The following ATP6V0E1 variants were observed in gnomAD, a reference collection of about 807,000 sequenced individuals.
ATP6V0E1 encodes the protein V-type proton ATPase subunit e 1.
ATP6V0E1 carries 4 observed loss-of-function variants against 11.6 expected under a neutral mutation model. The observed-to-expected ratio is 0.35, with a 90% CI of 0.17 to 0.79. The LOEUF (loss-of-function observed/expected upper bound fraction) is 0.79, where lower values mean the gene tolerates loss of function less well. Ranked by LOEUF, ATP6V0E1 falls within the 30% of genes least tolerant of loss-of-function variation. ATP6V0E1 has a pLI of 0.54. For synonymous variants in ATP6V0E1, 36 were observed against 34.8 expected (o/e 1.04, Z -0.13); for missense variants, 105 against 100.0 (o/e 1.05, Z -0.21).
chr5:173,005,667 A>T (rs1756218159), intron 2 of ATP6V0E1, among the ~76,000 whole-genome samples: 2 of 152,262 alleles, frequency 1.3e-5, no homozygotes, highest in Middle Eastern at 6.8e-3. Flanking sequence ...CTTCTCATTG[A>T]CATCTGCACG....
chr5:173,028,103 C>G (rs551595252), intron 3 of ATP6V0E1, among the ~76,000 whole-genome samples: 1 of 152,258 alleles, frequency 6.6e-6, no homozygotes, highest in South Asian at 2.1e-4. Flanking sequence ...TCCTTGAAAC[C>G]CTTATACTAA....
At chr5:173,015,801 A>ACTGCAACCTCTGCCTCC (rs2113603019) in intron 2 of ATP6V0E1, among the ~76,000 whole-genome samples, 1 of 152,284 alleles carries the variant, frequency 6.6e-6, no homozygotes, top group East Asian at 1.9e-4. Flanking sequence ...ACCTTGGCTC[A>ACTGCAACCTCTGCCTCC]CTGCAACCTC....
chr5:172,988,061 A>T (rs904569015), intron 1 of ATP6V0E1, among the ~76,000 whole-genome samples: 2 of 152,000 alleles, frequency 1.3e-5, no homozygotes, highest in Non-Finnish European at 2.9e-5. Flanking sequence ...TTCCATTTAA[A>T]TTTTTTTTAA....
At chr5:173,006,346 C>T (rs1433347531) in intron 2 of ATP6V0E1, among the ~76,000 whole-genome samples, 2 of 152,136 alleles carry the variant, frequency 1.3e-5, no homozygotes, top group African/African-American at 2.4e-5. Context: ...CACGATGGCT[C>T]ACGCCTGTAA....
intron 2 of ATP6V0E1, 130 bp from the exon 3 acceptor site, chr5:173,020,108 T>C: frequency 1.5e-6 from 1 of 687,596 alleles, no homozygotes; most frequent in Non-Finnish European, 2.6e-6. Context: ...TAACACAATG[T>C]ATATGGAAAG....
At position 173,020,302 on chromosome 5, in the gene ATP6V0E1, A is replaced by C. The variant is rs1191319110; in HGVS notation, c.217A>C (p.Ile73Leu). The C allele has an allele frequency of 6.2e-7, 1 of 1,613,794 alleles. No homozygotes were observed. The highest frequency in any genetic ancestry group is 8.5e-7 in the Non-Finnish European group (1 of 1,179,722). ...TGGACCGCAATTGAAAAATGAAACC[A>C]TCTGGTATCTGAAGTATCATTGGCC... ...LFGPQLKNET[I>L]WYLKYHWP Residue 73 changes from isoleucine to leucine, a missense_variant, in exon 3 of 4, where the codon ATC (isoleucine) becomes CTC (leucine). Ile to Leu is a conservative substitution (Grantham distance 5). Coordinates refer to ENST00000519374, the MANE Select transcript of ATP6V0E1 (RefSeq NM_003945.4).
rs1388371964 is a variant in ATP6V0E1 at position 173,035,256 on chromosome 5, C to T, written c.*894C>T. 1.3e-5 allele frequency: 2 copies of T among 152,128 alleles called. No homozygotes were observed. The highest frequency in any genetic ancestry group is 1.9e-4 in the East Asian group (1 of 5,192). The allele number at this position is 152,128 out of a possible 1,614,324, so 9.4% of individuals were successfully genotyped here. On this transcript the variant is annotated 3_prime_UTR_variant, in exon 4 of 4. Coordinates refer to ENST00000519374, the MANE Select transcript of ATP6V0E1 (RefSeq NM_003945.4). ...TCAAGGTTACCTGCCAGCTGCAGAA[C>T]AAGGCAGCAAATGCTCCTGAGATGG...
chr5:173,032,249 TTTTATTTATTTATTTATTTATTTA>T (rs1205061181), intron 3 of ATP6V0E1, among the ~76,000 whole-genome samples: 3 of 132,256 alleles, frequency 2.3e-5, no homozygotes, highest in Non-Finnish European at 3.3e-5. Context: ...TTTTATTTTA[TTTTATTTATTTATTTATTTATTTA>T]TTTATTTATT....
At chr5:173,000,921 G>A (rs999329402) in intron 2 of ATP6V0E1, among the ~76,000 whole-genome samples, 1 of 152,010 alleles carries the variant, frequency 6.6e-6, no homozygotes, top group African/African-American at 2.4e-5. Context: ...GGCTGGTCTC[G>A]AACTCCTGAC....
intron 3 of ATP6V0E1, among the ~76,000 whole-genome samples, chr5:173,028,574 T>C (rs1756596385): frequency 6.6e-6 from 1 of 152,180 alleles, no homozygotes; most frequent in Admixed American, 6.5e-5. Context: ...ATAGATGAAA[T>C]GGAATCAATC....
chr5:173,005,877 T>G (rs952941678), intron 2 of ATP6V0E1, among the ~76,000 whole-genome samples: 5 of 152,208 alleles, frequency 3.3e-5, no homozygotes, highest in Non-Finnish European at 7.3e-5. Context: ...AGAATTGTGG[T>G]GTTTAATTTC....
At chr5:173,008,791 G>A (rs1477500057) in intron 2 of ATP6V0E1, among the ~76,000 whole-genome samples, 1 of 149,404 alleles carries the variant, frequency 6.7e-6, no homozygotes, top group Non-Finnish European at 1.5e-5. Context: ...GGCGCCTGTA[G>A]TCCCAGCTAC....
At chr5:173,009,920 C>T (rs926277165) in intron 2 of ATP6V0E1, among the ~76,000 whole-genome samples, 1 of 151,946 alleles carries the variant, frequency 6.6e-6, no homozygotes, top group Non-Finnish European at 1.5e-5. Flanking sequence ...CGTGCCACCA[C>T]GCCTGGCCAA....
intron 2 of ATP6V0E1, among the ~76,000 whole-genome samples, chr5:173,003,349 A>G (rs1172819075): frequency 2.0e-5 from 3 of 152,166 alleles, no homozygotes; most frequent in Non-Finnish European, 4.4e-5. Flanking sequence ...TAAAGAGGAC[A>G]TGGAGGTTGT....
intron 1 of ATP6V0E1, among the ~76,000 whole-genome samples, chr5:172,991,103 T>C (rs1279633036): frequency 6.6e-6 from 1 of 152,142 alleles, no homozygotes; most frequent in East Asian, 1.9e-4. Context: ...ATAGGCATGC[T>C]ACTGCATCCA....
At chr5:172,987,309 A>G (rs1755911763) in intron 1 of ATP6V0E1, 1 of 142,900 alleles carries the variant, frequency 7.0e-6, no homozygotes, top group African/African-American at 2.6e-5. Context: ...TTTGAGATGG[A>G]CTCTCACTCT....
At chr5:173,002,951 TA>T (rs1756180834) in intron 2 of ATP6V0E1, among the ~76,000 whole-genome samples, 2 of 151,352 alleles carry the variant, frequency 1.3e-5, no homozygotes, top group African/African-American at 4.9e-5. Flanking sequence ...CTTGGGAGGC[TA>T]AAGCAGAAGG....
intron 1 of ATP6V0E1, among the ~76,000 whole-genome samples, chr5:172,991,515 G>A (rs1755977645): frequency 6.6e-6 from 1 of 152,048 alleles, no homozygotes; most frequent in Admixed American, 6.6e-5. Flanking sequence ...TTGGAATTGA[G>A]AATCCTAGAT....
chr5:172,984,777 A>T (rs1025552723), intron 1 of ATP6V0E1, among the ~76,000 whole-genome samples: 2 of 152,170 alleles, frequency 1.3e-5, no homozygotes. Flanking sequence ...TCTCAGTTCA[A>T]GATGATGAGA....
Sources: gnomAD v4.1 joint callset for allele counts (sites outside exome capture counted in the v4.1 genomes callset) on GRCh38, gnomAD v4.1.1 for gene constraint, MANE v1.5 for transcripts, NCBI Gene and HGNC (gene_info 2026-07-23, HGNC 2026-07-21) for gene names.